PARP4: variants seen among roughly 807,000 people sequenced by gnomAD.
PARP4 encodes protein mono-ADP-ribosyltransferase PARP4.
A neutral mutation model predicts 187.7 loss-of-function variants in PARP4; 120 were observed. The observed-to-expected ratio is 0.64, with a 90% CI of 0.55 to 0.74. The LOEUF is 0.74. Among genes scored for constraint, PARP4 ranks in the 30% least tolerant of loss-of-function variants. The pLI is 0.00. For synonymous variants in PARP4, 654 were observed against 740.9 expected (o/e 0.88, Z 1.90); for missense variants, 1,836 against 2,070.5 (o/e 0.89, Z 2.20).
In PARP4 at chr13:24,452,419, C is replaced by T. The variant is rs777790636; in HGVS notation, c.3001G>A (p.Ala1001Thr). The T allele has an allele frequency of 2.4e-5, 38 of 1,612,432 alleles. No individual in the cohort carries two copies. The highest frequency in any genetic ancestry group is 4.0e-5 in the African/African-American group (3 of 74,896). ...TCTGAGACTCACCCGATACCGCAGG[C>T]GAATAACCTGGTGTGCGGGCGGCTC... ...KRSRPHTRLF[A>T]CGIGSTANRH... The change falls in exon 24 of 34, where the codon GCC becomes ACC. Residue 1001 changes from alanine to threonine, a missense_variant. Physicochemically the swap from Ala to Thr is moderately conservative, Grantham distance 58 (BLOSUM62 0). Transcript: ENST00000381989.
At chr13:24,494,320 T>G (rs1430618732) in intron 7 of PARP4, among the ~76,000 whole-genome samples, 1 of 152,152 alleles carries the variant, frequency 6.6e-6, no homozygotes, top group African/African-American at 2.4e-5. Context: ...CTCAGCCTCA[T>G]GAGTAGCTAA....
At chr13:24,488,871 T>G (rs1454584989) in intron 10 of PARP4, among the ~76,000 whole-genome samples, 1 of 152,218 alleles carries the variant, frequency 6.6e-6, no homozygotes, top group Non-Finnish European at 1.5e-5. Flanking sequence ...CTCCGTGGAT[T>G]TATCTATTCT....
In PARP4 at chr13:24,469,034, T is replaced by C. The variant is rs147840928; in HGVS notation, c.2123A>G (p.Gln708Arg). ...TQGHGAYLMS[Q>R]DAPDVFTVSV... Reference sequence around the variant, plus strand: ...CACACCAAGCCATACCGGAGCATCCTGACTCATCAGGTAAGCGCCATGGCC... The same window carrying C: ...CACACCAAGCCATACCGGAGCATCCCGACTCATCAGGTAAGCGCCATGGCC... Residue 708 changes from glutamine (Q) to arginine (R), a missense_variant, in exon 17 of 34, where the codon CAG becomes CGG. By Grantham distance (43) the Gln-to-Arg change is conservative. Coordinates refer to ENST00000381989, the MANE Select transcript of PARP4 (RefSeq NM_006437.4). 8.2e-5 allele frequency: 132 copies of C among 1,612,460 alleles called. No individual in the cohort carries two copies. In the Middle Eastern group the frequency reaches 1.7e-3, roughly 20 times the overall value.
At chr13:24,512,311 A>C (rs1870057722) in intron 1 of PARP4, among the ~76,000 whole-genome samples, 1 of 152,052 alleles carries the variant, frequency 6.6e-6, no homozygotes, top group South Asian at 2.1e-4. Flanking sequence ...TCACCAAACC[A>C]CCTTACTTTT....
chr13:24,439,931 C>T (rs1253379446), intron 30 of PARP4, among the ~76,000 whole-genome samples: 1 of 152,200 alleles, frequency 6.6e-6, no homozygotes, highest in East Asian at 1.9e-4. Context: ...TGTGGGAGCC[C>T]ACGATGTTGC....
chr13:24,446,184 C>T (rs530914538), intron 27 of PARP4, among the ~76,000 whole-genome samples: 7 of 152,208 alleles, frequency 4.6e-5, no homozygotes, highest in South Asian at 2.1e-4. Context: ...TCTTTGAGAA[C>T]CTCTCTAGCA....
At chr13:24,458,759 CA>C (rs1872025850) in intron 20 of PARP4, among the ~76,000 whole-genome samples, 2 of 151,972 alleles carry the variant, frequency 1.3e-5, no homozygotes, top group Admixed American at 1.3e-4. Context: ...GTCCAACTTC[CA>C]AAACAGGAAG....
intron 12 of PARP4, among the ~76,000 whole-genome samples, chr13:24,480,210 G>C (rs1162356319): frequency 6.6e-6 from 1 of 152,234 alleles, no homozygotes; most frequent in Non-Finnish European, 1.5e-5. Flanking sequence ...GTTTTGGGCT[G>C]CAACAATCTG....
In PARP4 at chr13:24,512,763, G is replaced by C. The variant is rs1215551740; in HGVS notation, c.-59C>G. On this transcript the variant is annotated 5_prime_UTR_variant, in exon 1 of 34. Coordinates refer to ENST00000381989, the MANE Select transcript of PARP4 (RefSeq NM_006437.4). ...CCCCGATTCCGCGCTCCTTGCTCGCGGTACTTCCGTAATCTAGGCTCTCCC... is the reference window on the plus strand; with the variant it reads ...CCCCGATTCCGCGCTCCTTGCTCGCCGTACTTCCGTAATCTAGGCTCTCCC... 2 of 152,326 alleles carry C rather than the reference G, an allele frequency of 1.3e-5. No individual in the cohort carries two copies. The highest frequency in any genetic ancestry group is 2.1e-4 in the South Asian group (1 of 4,834). 9.4% of individuals were successfully genotyped at this position (152,326 alleles called of 1,614,324 possible).
intron 30 of PARP4, among the ~76,000 whole-genome samples, chr13:24,436,344 C>A (rs1870637347): frequency 1.3e-5 from 2 of 152,232 alleles, no homozygotes; most frequent in African/African-American, 4.8e-5. Flanking sequence ...GCTCTGTTGC[C>A]TGGGGCTGGA....
intron 1 of PARP4, among the ~76,000 whole-genome samples, chr13:24,508,579 C>T (rs1407495364): frequency 6.6e-6 from 1 of 152,118 alleles, no homozygotes; most frequent in Non-Finnish European, 1.5e-5. Flanking sequence ...AGTGGTGAGA[C>T]CTCGGCTCAC....
rs191688906 is a variant in PARP4 at position 24,446,974 on chromosome 13, T to C, written c.3285+42A>G. On this transcript the variant is annotated intron_variant, in intron 26 of 33. Transcript: ENST00000381989. Reference sequence around the variant, plus strand: ...AGACAGAAAAAAAATTAGCAAAATATATTGGTCTTCCCATAGAATAACAAA... The same window carrying C: ...AGACAGAAAAAAAATTAGCAAAATACATTGGTCTTCCCATAGAATAACAAA... The C allele has an allele frequency of 2.9e-5, 45 of 1,537,358 alleles. No homozygotes were observed. In the African/African-American group the frequency reaches 5.1e-4, roughly 17 times the overall value.
At chr13:24,484,501 T>A (rs979701428) in intron 12 of PARP4, 152 bp downstream of exon 12, 1 of 598,258 alleles carries the variant, frequency 1.7e-6, no homozygotes, top group African/African-American at 1.8e-5. Context: ...TTATCAAGGA[T>A]GCTGAAGATG....
intron 15 of PARP4, 107 bp downstream of exon 15, chr13:24,475,365 A>G: frequency 2.7e-6 from 3 of 1,096,952 alleles, no homozygotes; most frequent in South Asian, 2.9e-5. Flanking sequence ...AATAAAATAC[A>G]TTTTAGAAAT....
intron 1 of PARP4, among the ~76,000 whole-genome samples, chr13:24,508,803 C>T (rs9553326): frequency 0.17 from 25,086 of 151,926 alleles, 2,300 homozygotes; most frequent in East Asian, 0.3. Context: ...CATGAGTCAC[C>T]GCACCCAGCC....
chr13:24,460,133 C>T lies in PARP4; in HGVS notation c.2137G>A (p.Val713Ile), dbSNP rs761402386. Residue 713 changes from valine (V) to isoleucine (I), a missense_variant, in exon 18 of 34, where the codon GTT becomes ATT. Physicochemically the swap from Val to Ile is conservative, Grantham distance 29. Transcript: ENST00000381989. ...AAGTTTCCAACACTTACAGTAAAAA[C>T]GTCCTGAAACAGAAACATATGACTT... ...AYLMSQDAPDVFTVSVGNLPP... is the reference protein window; with the variant it reads ...AYLMSQDAPDIFTVSVGNLPP... 1.1e-5 allele frequency: 17 copies of T among 1,611,466 alleles called. No individual in the cohort carries two copies. The African/African-American group carries it at 1.2e-4, about 11-fold the overall frequency.
chr13:24,486,078 G>T (rs181212029), intron 11 of PARP4, 90 bp downstream of exon 11: 1 of 1,166,118 alleles, frequency 8.6e-7, no homozygotes, highest in Non-Finnish European at 1.2e-6. Flanking sequence ...AAAGACTCAC[G>T]TAATATAGAA....
intron 33 of PARP4, 21 bp downstream of exon 33, chr13:24,426,445 T>C (rs1454741816): frequency 1.9e-6 from 3 of 1,570,178 alleles, no homozygotes; most frequent in African/African-American, 1.4e-5. Flanking sequence ...ATAAGTTGCA[T>C]AATACTATAG....
chr13:24,463,230 A>G (rs1872295310), intron 17 of PARP4, among the ~76,000 whole-genome samples: 1 of 152,104 alleles, frequency 6.6e-6, no homozygotes, highest in Non-Finnish European at 1.5e-5. Context: ...TGAAGTTAAC[A>G]TATTTAAAAT....
Sources: allele counts gnomAD v4.1 joint callset (sites outside exome capture counted in the v4.1 genomes callset), GRCh38; gene constraint gnomAD v4.1.1; transcripts MANE v1.5; gene names NCBI Gene and HGNC (gene_info 2026-07-23, HGNC 2026-07-21).